RDH10: variants seen among roughly 807,000 people sequenced by gnomAD.
The protein encoded by RDH10 is retinol dehydrogenase 10.
Under a neutral mutation model 30.2 loss-of-function variants are expected in RDH10, and 12 were observed. The observed-to-expected ratio is 0.40, with a 90% CI of 0.25 to 0.64. RDH10 has a LOEUF of 0.64. Ranked by LOEUF, RDH10 falls within the 30% of genes least tolerant of loss-of-function variation. The pLI, the probability that RDH10 is intolerant of heterozygous loss-of-function variation, is 0.43. For synonymous variants in RDH10, 189 were observed against 172.2 expected (o/e 1.10, Z -0.76); for missense variants, 268 against 445.2 (o/e 0.60, Z 3.58).
Position 73,295,281 on chromosome 8 carries a change from G to A in RDH10, c.-9G>A. 6.4e-7 allele frequency: 1 copy of A among 1,553,518 alleles called. No homozygotes were observed. The highest frequency in any genetic ancestry group is 1.2e-5 in the South Asian group (1 of 84,618). On this transcript the variant is annotated 5_prime_UTR_variant, in exon 1 of 6. Coordinates refer to ENST00000240285, the MANE Select transcript of RDH10 (RefSeq NM_172037.5). Reference sequence around the variant, plus strand: ...GGCACTGGGCTCGTGCGGGGCCCCGGGCGTCGCGATGAACATCGTGGTGGA... The same window carrying A: ...GGCACTGGGCTCGTGCGGGGCCCCGAGCGTCGCGATGAACATCGTGGTGGA...
intron 1 of RDH10, among the ~76,000 whole-genome samples, chr8:73,296,103 G>A (rs750297585): frequency 6.6e-6 from 1 of 152,200 alleles, no homozygotes; most frequent in Non-Finnish European, 1.5e-5. Context: ...TACATTCCCT[G>A]AGCGTGATTG....
rs761939333 is a variant in RDH10, at chr8:73,295,355, G to A, written c.66G>A (p.Ala22=). 4 of 1,560,876 alleles carry A rather than the reference G, an allele frequency of 2.6e-6. No individual in the cohort carries two copies. Among genetic ancestry groups the A allele is most frequent in the East Asian group, 2.4e-5 (1 of 41,736 alleles). Residue 22 remains alanine, a synonymous_variant, in exon 1 of 6, where the codon GCG becomes GCA. Coordinates refer to ENST00000240285, the MANE Select transcript of RDH10 (RefSeq NM_172037.5). Reference sequence around the variant, plus strand: ...TGCTCTGGGCGTTCGTGCTGGCCGCGGCGCGCTGGCTGGTGCGGCCCAAGG... The same window carrying A: ...TGCTCTGGGCGTTCGTGCTGGCCGCAGCGCGCTGGCTGGTGCGGCCCAAGG... ...FKVLWAFVLA[A]ARWLVRPKEK... is the part of the protein sequence containing the mutation.
Position 73,323,999 on chromosome 8 carries a change from C to G in RDH10, c.*963C>G, listed in dbSNP as rs534964230. 6.5e-6 allele frequency: 1 copy of G among 152,674 alleles called. No individual in the cohort carries two copies. The highest frequency in any genetic ancestry group is 2.1e-4 in the South Asian group (1 of 4,822). The allele number at this position is 152,674 out of a possible 1,614,324, so 9.5% of individuals were successfully genotyped here. ...TATACTTCATTAAGTGTCTGGAGACCTAATTATCCTAAAAGATCATACATT... is the reference window on the plus strand; with the variant it reads ...TATACTTCATTAAGTGTCTGGAGACGTAATTATCCTAAAAGATCATACATT... On this transcript the variant is annotated 3_prime_UTR_variant, in exon 6 of 6. Coordinates refer to ENST00000240285, the MANE Select transcript of RDH10 (RefSeq NM_172037.5).
At chr8:73,319,595 A>G (rs750304804) in intron 3 of RDH10, among the ~76,000 whole-genome samples, 2 of 152,222 alleles carry the variant, frequency 1.3e-5, no homozygotes, top group Non-Finnish European at 2.9e-5. Flanking sequence ...TAGTTTGACA[A>G]AGCAGCAGCG....
Position 73,295,178 on chromosome 8 carries a change from C to G in RDH10, c.-112C>G, listed in dbSNP as rs966048562. 1.9e-6 allele frequency: 2 copies of G among 1,066,296 alleles called. No homozygotes were observed. Among genetic ancestry groups the G allele is most frequent in the Non-Finnish European group, 2.5e-6 (2 of 792,254 alleles). 66.1% of individuals were successfully genotyped at this position (1,066,296 alleles called of 1,614,324 possible). ...CCTCGGGGGCGGGCGCGGGGCGCAGCCTTCTCGTCCCGGCCTCTGTGACAA... is the reference window on the plus strand; with the variant it reads ...CCTCGGGGGCGGGCGCGGGGCGCAGGCTTCTCGTCCCGGCCTCTGTGACAA... On this transcript the variant is annotated 5_prime_UTR_variant, in exon 1 of 6. Transcript: ENST00000240285.
intron 2 of RDH10, among the ~76,000 whole-genome samples, chr8:73,317,986 C>T (rs1814703692): frequency 1.5e-5 from 2 of 130,592 alleles, no homozygotes; most frequent in South Asian, 2.6e-4. Context: ...CTCAGTGATA[C>T]CGTAGCCAGC....
At chr8:73,301,848 T>C (rs1175184529) in intron 2 of RDH10, among the ~76,000 whole-genome samples, 2 of 152,216 alleles carry the variant, frequency 1.3e-5, no homozygotes, top group Non-Finnish European at 1.5e-5. Flanking sequence ...TCACTCATAT[T>C]TTCTTTTGCT....
chr8:73,311,153 C>T (rs1166663507), intron 2 of RDH10: 1 of 152,090 alleles, frequency 6.6e-6, no homozygotes, highest in Non-Finnish European at 1.5e-5. Context: ...GAATCTAAAT[C>T]GTAACATATT....
intron 1 of RDH10, among the ~76,000 whole-genome samples, chr8:73,296,820 T>C (rs1814274364): frequency 6.6e-6 from 1 of 152,192 alleles, no homozygotes; most frequent in Non-Finnish European, 1.5e-5. Context: ...TGGGCCACTG[T>C]TTCCCCAAAA....
intron 2 of RDH10, chr8:73,311,374 G>C (rs546326736): frequency 6.6e-6 from 1 of 152,260 alleles, no homozygotes; most frequent in South Asian, 2.1e-4. Context: ...TAAAATGTAA[G>C]GGAACGTTAA....
chr8:73,315,569 G>T (rs1240905077), intron 2 of RDH10: 1 of 455,448 alleles, frequency 2.2e-6, no homozygotes, highest in Non-Finnish European at 4.4e-6. Context: ...CACCTACCTT[G>T]ATGTGGTGCT....
At chr8:73,303,771 T>C (rs994634763) in intron 2 of RDH10, among the ~76,000 whole-genome samples, 3 of 152,200 alleles carry the variant, frequency 2.0e-5, no homozygotes, top group African/African-American at 7.2e-5. Flanking sequence ...TCATTGAACT[T>C]TGAGTTTCTG....
In RDH10 at chr8:73,295,288, C is replaced by A. The variant is rs1186566232; in HGVS notation, c.-2C>A. The A allele has an allele frequency of 2.6e-6, 4 of 1,556,988 alleles. No individual in the cohort carries two copies. The South Asian group carries it at 4.7e-5, about 18-fold the overall frequency. On this transcript the variant is annotated 5_prime_UTR_variant, in exon 1 of 6. Transcript: ENST00000240285. ...GGCTCGTGCGGGGCCCCGGGCGTCGCGATGAACATCGTGGTGGAGTTCTTC... is the reference window on the plus strand; with the variant it reads ...GGCTCGTGCGGGGCCCCGGGCGTCGAGATGAACATCGTGGTGGAGTTCTTC...
At chr8:73,315,481 G>T (rs1399806954) in intron 2 of RDH10, 1 of 388,144 alleles carries the variant, frequency 2.6e-6, no homozygotes, top group African/African-American at 2.1e-5. Context: ...GGCAAGAAGG[G>T]GAGGGGATAT....
chr8:73,304,115 C>T (rs1046174007), intron 2 of RDH10, among the ~76,000 whole-genome samples: 22 of 152,192 alleles, frequency 1.4e-4, no homozygotes, highest in African/African-American at 5.1e-4. Context: ...CTTTAGCTTC[C>T]ATGATAAGCC....
chr8:73,294,905 C>T lies in RDH10; in HGVS notation c.-385C>T, dbSNP rs1347814417. On this transcript the variant is annotated 5_prime_UTR_variant, in exon 1 of 6. Coordinates refer to ENST00000240285, the MANE Select transcript of RDH10 (RefSeq NM_172037.5). The stretch of plus-strand genomic sequence containing the variant: ...GTGAGAGGGAGCCGGCGCGCCGGTT[C>T]CGGGGACGCTCGGGCGGCAGCAGCT... 2 of 394,438 alleles carry T rather than the reference C, an allele frequency of 5.1e-6. No individual in the cohort carries two copies. Among genetic ancestry groups the T allele is most frequent in the Non-Finnish European group, 9.0e-6 (2 of 223,360 alleles). 24.4% of individuals were successfully genotyped at this position (394,438 alleles called of 1,614,324 possible).
Position 73,297,583 on chromosome 8 carries a change from G to A in RDH10, c.525+154G>A, listed in dbSNP as rs1814290071. On this transcript the variant is annotated intron_variant, in intron 2 of 5. Coordinates refer to ENST00000240285, the MANE Select transcript of RDH10 (RefSeq NM_172037.5). The stretch of plus-strand genomic sequence containing the variant: ...CTATGGTAAACTGCAGTGTATGCTG[G>A]TTACTGTTAGTCGTTTTGTCCCCGC... The A allele has an allele frequency of 5.0e-6, 3 of 603,120 alleles. No homozygotes were observed. The Admixed American group carries it at 8.0e-5, about 16-fold the overall frequency. The allele number at this position is 603,120 out of a possible 1,614,324, so 37.4% of individuals were successfully genotyped here.
In RDH10 at chr8:73,323,086, T is replaced by G; in HGVS notation, c.*50T>G. 7.0e-7 allele frequency: 1 copy of G among 1,437,520 alleles called. No homozygotes were observed. The highest frequency in any genetic ancestry group is 1.4e-5 in the African/African-American group (1 of 71,650). 89.0% of individuals were successfully genotyped at this position (1,437,520 alleles called of 1,614,324 possible). On this transcript the variant is annotated 3_prime_UTR_variant, in exon 6 of 6. Transcript: ENST00000240285. ...TTCTATCAGAAGATGATCAAGATGT[T>G]TCAGTCCAGTGCACATCAGCATTGC...
At chr8:73,321,993 G>A in intron 4 of RDH10, 1 of 456,210 alleles carries the variant, frequency 2.2e-6, no homozygotes, top group Non-Finnish European at 4.4e-6. Context: ...GTTTTGTTTT[G>A]TTTTCCTCTT....
Sources: gnomAD v4.1 joint callset for allele counts (sites outside exome capture counted in the v4.1 genomes callset) on GRCh38, gnomAD v4.1.1 for gene constraint, MANE v1.5 for transcripts, NCBI Gene and HGNC (gene_info 2026-07-23, HGNC 2026-07-21) for gene names.